CSMD1: variants seen among roughly 807,000 people sequenced by gnomAD.
The protein encoded by CSMD1 is CUB and sushi domain-containing protein 1.
A neutral mutation model predicts 417.5 loss-of-function variants in CSMD1; 213 were observed. The ratio of observed to expected loss-of-function variants is 0.51; its 90% CI spans 0.46 to 0.57. The LOEUF (loss-of-function observed/expected upper bound fraction) is 0.57, where lower values mean the gene tolerates loss of function less well. Among genes scored for constraint, CSMD1 ranks in the 20% least tolerant of loss-of-function variants. The pLI is 0.00. For synonymous variants in CSMD1, 2,862 were observed against 1,736.8 expected, an observed-to-expected ratio of 1.65 and a Z score of -16.11; for missense variants, 6,923 against 4,529.7, an observed-to-expected ratio of 1.53 and a Z score of -15.17.
intron 2 of CSMD1, among the ~76,000 whole-genome samples, chr8:4,470,354 C>A (rs1412533139): frequency 1.3e-5 from 2 of 152,216 alleles, no homozygotes; most frequent in Non-Finnish European, 2.9e-5. Context: ...GATGGTTCAA[C>A]TCCCAATGCT....
intron 55 of CSMD1, among the ~76,000 whole-genome samples, chr8:2,975,895 T>C (rs1280325858): frequency 6.6e-6 from 1 of 152,034 alleles, no homozygotes; most frequent in Admixed American, 6.6e-5. Flanking sequence ...TCCTGGAGAC[T>C]TGAGGAACAT....
rs1355483248 is a variant in CSMD1 at position 4,443,269 on chromosome 8, C to A, written c.303-23204G>T. On this transcript the variant is annotated intron_variant, in intron 2 of 69. Transcript: ENST00000635120. ...ATAATGTCAAATCATCAGCATCAAT[C>A]AATCTTCGCCTAAGTTTTGTATTCG... Among the ~76,000 whole-genome samples the A allele has an allele frequency of 1.3e-5, 2 of 152,158 alleles. 1 individual carries two copies. The highest frequency in any genetic ancestry group is 4.1e-4 in the South Asian group (2 of 4,826).
chr8:4,872,805 G>A (rs767673993), intron 1 of CSMD1, among the ~76,000 whole-genome samples: 5 of 152,078 alleles, frequency 3.3e-5, no homozygotes, highest in African/African-American at 4.8e-5. Context: ...AACCTTCTGT[G>A]TTACTGTTTT....
At chr8:4,693,811 G>A (rs1806939075) in intron 1 of CSMD1, among the ~76,000 whole-genome samples, 1 of 15,052 alleles carries the variant, frequency 6.6e-5, no homozygotes, top group East Asian at 2.2e-3. Flanking sequence ...TGAGTAGCTG[G>A]GACCACAGGT....
At chr8:4,663,227 G>A (rs748242514) in intron 1 of CSMD1, among the ~76,000 whole-genome samples, 2 of 152,158 alleles carry the variant, frequency 1.3e-5, no homozygotes, top group South Asian at 2.1e-4. Flanking sequence ...ATCCCAGCCC[G>A]ATTTTTACTG....
Position 4,645,444 on chromosome 8 carries a change from C to CAAAAAAAAAAA in CSMD1, c.86-7897_86-7887dup, listed in dbSNP as rs549511320. Among the ~76,000 whole-genome samples the CAAAAAAAAAAA allele has an allele frequency of 3.7e-3, 136 of 36,856 alleles. 44 individuals are homozygous for CAAAAAAAAAAA. The highest frequency in any genetic ancestry group is 0.012 in the South Asian group (8 of 666). 24.2% of individuals were successfully genotyped at this position (36,856 alleles called of 152,430 possible). On this transcript the variant is annotated intron_variant, in intron 1 of 69. Coordinates refer to ENST00000635120, the MANE Select transcript of CSMD1 (RefSeq NM_033225.6). ...CAAGACAGCAGGTGTAGTGCAGGGG[C>CAAAAAAAAAAA]AAAAAAAAAAAAAAAAAAAAAAAGG...
intron 5 of CSMD1, among the ~76,000 whole-genome samples, chr8:3,802,800 G>T (rs993429247): frequency 6.6e-6 from 1 of 152,142 alleles, no homozygotes; most frequent in Admixed American, 6.5e-5. Context: ...TTTAACTAAA[G>T]AAATGTTCGA....
intron 5 of CSMD1, among the ~76,000 whole-genome samples, chr8:3,974,731 C>CA (rs1486414195): frequency 1.3e-5 from 2 of 151,484 alleles, no homozygotes; most frequent in Non-Finnish European, 2.9e-5. Context: ...ACAGAACAGG[C>CA]AAAACTAAAT....
intron 3 of CSMD1, among the ~76,000 whole-genome samples, chr8:4,139,271 T>C (rs1052693101): frequency 1.3e-5 from 2 of 152,240 alleles, no homozygotes; most frequent in African/African-American, 2.4e-5. Flanking sequence ...GTGTAAAGTG[T>C]TGCATAATTG....
At chr8:4,709,392 G>A (rs1264374669) in intron 1 of CSMD1, among the ~76,000 whole-genome samples, 1 of 152,106 alleles carries the variant, frequency 6.6e-6, no homozygotes, top group Non-Finnish European at 1.5e-5. Flanking sequence ...TTGGAGCCAA[G>A]GGACGAACAT....
chr8:3,772,666 TATATATAC>T (rs201894792), intron 5 of CSMD1, among the ~76,000 whole-genome samples: 10 of 145,992 alleles, frequency 6.8e-5, no homozygotes, highest in South Asian at 6.4e-4. Context: ...TACATACATT[TATATATAC>T]ATATATACAT....
At chr8:4,118,766 C>G (rs991270485) in intron 3 of CSMD1, among the ~76,000 whole-genome samples, 3 of 152,168 alleles carry the variant, frequency 2.0e-5, no homozygotes, top group Middle Eastern at 3.2e-3. Context: ...GAATATGAAT[C>G]GTTCTACTAT....
intron 3 of CSMD1, among the ~76,000 whole-genome samples, chr8:4,367,226 G>C (rs569799228): frequency 1.3e-5 from 2 of 152,222 alleles, no homozygotes; most frequent in East Asian, 3.9e-4. Context: ...TTTGTATGTG[G>C]TGTAAGGAAG....
At chr8:3,536,444 A>G (rs746383890) in intron 10 of CSMD1, among the ~76,000 whole-genome samples, 3 of 152,188 alleles carry the variant, frequency 2.0e-5, no homozygotes, top group African/African-American at 4.8e-5. Context: ...AGGTTCACCA[A>G]TGGGCTGAGT....
intron 50 of CSMD1, 91 bp downstream of exon 50, chr8:3,052,371 G>T (rs1360107676): frequency 1.1e-5 from 9 of 856,034 alleles, no homozygotes; most frequent in Non-Finnish European, 1.4e-5. Flanking sequence ...TGTGGGAGAG[G>T]ACCTCTGAAC....
At chr8:3,710,960 A>G (rs1220034146) in intron 6 of CSMD1, among the ~76,000 whole-genome samples, 2 of 152,144 alleles carry the variant, frequency 1.3e-5, no homozygotes, top group East Asian at 3.9e-4. Flanking sequence ...ATCCCGAAGC[A>G]ATGCCGCCAG....
chr8:4,863,111 C>G (rs1251284549), intron 1 of CSMD1, among the ~76,000 whole-genome samples: 1 of 151,910 alleles, frequency 6.6e-6, no homozygotes, highest in Non-Finnish European at 1.5e-5. Flanking sequence ...TGGCTAGGAT[C>G]ATGAAAAATG....
Position 4,643,016 on chromosome 8 carries a change from G to C in CSMD1, c.86-5458C>G, listed in dbSNP as rs1014770107. ...GAACAGTCTGGAGATGAAAAGACTT[G>C]GGAATGTATAATTGTCTCCAACTCT... On this transcript the variant is annotated intron_variant, in intron 1 of 69. Transcript: ENST00000635120. Among the ~76,000 whole-genome samples, 3 of 152,160 alleles carry C rather than the reference G, an allele frequency of 2.0e-5. No individual in the cohort carries two copies. The South Asian group carries it at 6.2e-4, about 32-fold the overall frequency.
chr8:3,597,486 T>C (rs1801150258), intron 8 of CSMD1, among the ~76,000 whole-genome samples: 1 of 152,140 alleles, frequency 6.6e-6, no homozygotes. Context: ...ATTAAATAGT[T>C]GTAAATAAAA....
Sources: gnomAD v4.1 joint callset for allele counts (sites outside exome capture counted in the v4.1 genomes callset) on GRCh38, gnomAD v4.1.1 for gene constraint, MANE v1.5 for transcripts, NCBI Gene and HGNC (gene_info 2026-07-23, HGNC 2026-07-21) for gene names.